Variants in CALD1 observed in about 807,000 individuals in gnomAD.
CALD1 encodes the protein caldesmon.
In CALD1, 33 loss-of-function variants were observed where a neutral mutation model predicts 99.9. That is an observed-to-expected ratio of 0.33 (90% CI 0.25 to 0.44). The LOEUF is 0.44. Among genes scored for constraint, CALD1 ranks in the 20% least tolerant of loss-of-function variants. The pLI, the probability that CALD1 is intolerant of heterozygous loss-of-function variation, is 1.00. For synonymous variants in CALD1, 310 were observed against 325.0 expected (o/e 0.95, Z 0.50); for missense variants, 861 against 962.1 (o/e 0.89, Z 1.39).
intron 4 of CALD1, among the ~76,000 whole-genome samples, chr7:134,932,242 A>C (rs1027151245): frequency 6.6e-6 from 1 of 152,330 alleles, no homozygotes; most frequent in South Asian, 2.1e-4. Context: ...AGGAGCAGGA[A>C]TTGTAAGGGA....
At chr7:134,881,353 T>C (rs1403333888) in intron 3 of CALD1, among the ~76,000 whole-genome samples, 1 of 152,170 alleles carries the variant, frequency 6.6e-6, no homozygotes, top group South Asian at 2.1e-4. Flanking sequence ...ATTATCACAT[T>C]AGAGCTAAAT....
intron 3 of CALD1, chr7:134,891,705 C>A: frequency 1.4e-6 from 2 of 1,411,128 alleles, no homozygotes; most frequent in Non-Finnish European, 9.5e-7. Context: ...TTGGTTTTTT[C>A]CTTTCTTTTT....
chr7:134,880,272 G>A (rs148041414), intron 3 of CALD1, among the ~76,000 whole-genome samples: 1 of 152,358 alleles, frequency 6.6e-6, no homozygotes, highest in East Asian at 1.9e-4. Context: ...TAATGAAAGA[G>A]TCCTTTATTT....
At chr7:134,894,677 C>G (rs1386138940) in intron 3 of CALD1, among the ~76,000 whole-genome samples, 2 of 147,524 alleles carry the variant, frequency 1.4e-5, no homozygotes, top group Non-Finnish European at 3.0e-5. Context: ...AATGCCAAGA[C>G]CTACACAAGG....
At chr7:134,917,876 A>T (rs535783219) in intron 3 of CALD1, among the ~76,000 whole-genome samples, 1 of 152,262 alleles carries the variant, frequency 6.6e-6, no homozygotes, top group South Asian at 2.1e-4. Context: ...ACTCCTTTTC[A>T]TTCATTTCAG....
chr7:134,828,732 GC>G, intron 1 of CALD1, among the ~76,000 whole-genome samples: 1 of 152,254 alleles, frequency 6.6e-6, no homozygotes, highest in Middle Eastern at 3.4e-3. Context: ...CATATTATAA[GC>G]CTTCTGTTTT....
chr7:134,926,850 G>A (rs1296302964), intron 3 of CALD1, among the ~76,000 whole-genome samples: 2 of 152,058 alleles, frequency 1.3e-5, no homozygotes, highest in African/African-American at 4.8e-5. Context: ...TAACAATATG[G>A]TTAACAATTT....
intron 3 of CALD1, among the ~76,000 whole-genome samples, chr7:134,892,537 C>A (rs1418703711): frequency 1.3e-5 from 2 of 152,058 alleles, no homozygotes; most frequent in Non-Finnish European, 2.9e-5. Flanking sequence ...TCCAGTTGTT[C>A]CAGCGTTTGT....
At chr7:134,820,745 A>G (rs1027073059) in intron 1 of CALD1, among the ~76,000 whole-genome samples, 1 of 152,216 alleles carries the variant, frequency 6.6e-6, no homozygotes, top group East Asian at 1.9e-4. Flanking sequence ...ATACTCTGAC[A>G]TATTGGTCAA....
chr7:134,888,602 C>T (rs1368157605), intron 3 of CALD1, among the ~76,000 whole-genome samples: 2 of 152,210 alleles, frequency 1.3e-5, no homozygotes, highest in East Asian at 3.8e-4. Context: ...TATGCGTCTT[C>T]CCGCGTTGCC....
At chr7:134,865,605 G>T (rs1262132200) in intron 2 of CALD1, among the ~76,000 whole-genome samples, 1 of 152,246 alleles carries the variant, frequency 6.6e-6, no homozygotes, top group Non-Finnish European at 1.5e-5. Context: ...AGGAGTGGGA[G>T]AAGAGAATGG....
At chr7:134,920,798 G>T in intron 3 of CALD1, 1 of 684,526 alleles carries the variant, frequency 1.5e-6, no homozygotes, top group Non-Finnish European at 2.2e-6. Flanking sequence ...TTGATCTGTT[G>T]GAATTTTAGG....
intron 4 of CALD1, among the ~76,000 whole-genome samples, chr7:134,929,338 T>C (rs1225781240): frequency 6.6e-6 from 1 of 151,670 alleles, no homozygotes; most frequent in South Asian, 2.1e-4. Context: ...TTTGGTGCAC[T>C]CGTCACCCGA....
chr7:134,896,070 T>C (rs1802550270), intron 3 of CALD1, among the ~76,000 whole-genome samples: 1 of 152,176 alleles, frequency 6.6e-6, no homozygotes, highest in Non-Finnish European at 1.5e-5. Context: ...CTCTGGCTCA[T>C]ATCCCTGCCC....
chr7:134,969,705 A>C lies in CALD1; in HGVS notation c.*1360A>C, dbSNP rs1461784201. On this transcript the variant is annotated 3_prime_UTR_variant, in exon 15 of 15. Coordinates refer to ENST00000361675, the MANE Select transcript of CALD1 (RefSeq NM_033138.4). The stretch of plus-strand genomic sequence containing the variant: ...AATTTCAAAATTATATGTAACTTCT[A>C]CTAGTTTTACTTTCTCCCCCAAGTC... 6.6e-6 allele frequency: 1 copy of C among 152,200 alleles called. No individual in the cohort carries two copies. Among genetic ancestry groups the C allele is most frequent in the Non-Finnish European group, 1.5e-5 (1 of 68,028 alleles). 9.4% of individuals were successfully genotyped at this position (152,200 alleles called of 1,614,324 possible).
At chr7:134,890,202 G>A (rs576381165) in intron 3 of CALD1, among the ~76,000 whole-genome samples, 7 of 152,182 alleles carry the variant, frequency 4.6e-5, no homozygotes, top group African/African-American at 1.7e-4. Flanking sequence ...ACCTCGCCTG[G>A]CCTATAAACT....
intron 1 of CALD1, among the ~76,000 whole-genome samples, chr7:134,828,443 AT>A (rs1799091509): frequency 6.6e-6 from 1 of 152,142 alleles, no homozygotes. Context: ...GACTCAATCA[AT>A]TTTTTAAAAG....
At chr7:134,725,154 G>A in the CALD1 span, among the ~76,000 whole-genome samples, 1 of 152,124 alleles carries the variant, frequency 6.6e-6, no homozygotes, top group Non-Finnish European at 1.5e-5. Context: ...CATTCTCCAG[G>A]GCCACAGCCC....
intron 1 of CALD1, among the ~76,000 whole-genome samples, chr7:134,810,626 ATCT>A (rs760403154): frequency 1.3e-5 from 2 of 152,056 alleles, no homozygotes; most frequent in East Asian, 1.9e-4. Flanking sequence ...ATAGCTGAAG[ATCT>A]TCTCTTTCTC....
Sources: gnomAD v4.1 joint callset for allele counts (sites outside exome capture counted in the v4.1 genomes callset) on GRCh38, gnomAD v4.1.1 for gene constraint, MANE v1.5 for transcripts, NCBI Gene and HGNC (gene_info 2026-07-23, HGNC 2026-07-21) for gene names.